C5orf24: variants seen among roughly 807,000 people sequenced by gnomAD.
The protein encoded by C5orf24 is chromosome 5 open reading frame 24.
In C5orf24, 4 loss-of-function variants were observed where a neutral mutation model predicts 9.8. The ratio of observed to expected loss-of-function variants is 0.41; its 90% CI spans 0.20 to 0.93. C5orf24 has a LOEUF of 0.93. Ranked by LOEUF, C5orf24 falls within the 40% of genes least tolerant of loss-of-function variation. The pLI is 0.33. For synonymous variants in C5orf24, 73 were observed against 81.3 expected (o/e 0.90, Z 0.55); for missense variants, 170 against 236.9 (o/e 0.72, Z 1.85).
At chr5:134,847,856 TG>T (rs1348414521) in intron 1 of C5orf24, among the ~76,000 whole-genome samples, 4 of 152,056 alleles carry the variant, frequency 2.6e-5, no homozygotes, top group African/African-American at 9.7e-5. Context: ...CCCGCCACCA[TG>T]CCTGACTAAT....
Position 134,846,013 on chromosome 5 carries a change from G to C in C5orf24, c.-203G>C. ...GCCTCTTCGTACTGCGTCCGGGGCA[G>C]GACCGTGCGCGGCGGCCGCGGCGGG... On this transcript the variant is annotated 5_prime_UTR_variant, in exon 1 of 2. Transcript: ENST00000394976. The C allele has an allele frequency of 6.6e-6, 1 of 152,328 alleles. No homozygotes were observed. The allele number at this position is 152,328 out of a possible 1,614,324, so 9.4% of individuals were successfully genotyped here.
At chr5:134,854,840 A>G in intron 1 of C5orf24, 58 bp from the exon 2 acceptor site, 8 of 1,562,726 alleles carry the variant, frequency 5.1e-6, no homozygotes, top group Non-Finnish European at 7.0e-6. Context: ...TGAATGCTGC[A>G]TACAGGTATG....
the C5orf24 span, among the ~76,000 whole-genome samples, chr5:134,838,388 C>T: frequency 2.0e-5 from 3 of 151,998 alleles, no homozygotes; most frequent in Non-Finnish European, 2.9e-5. Flanking sequence ...AGTGCACTCC[C>T]GGCCGGATGC....
the C5orf24 span, among the ~76,000 whole-genome samples, chr5:134,833,862 T>C: frequency 1.3e-5 from 2 of 152,268 alleles, no homozygotes; most frequent in South Asian, 4.1e-4. Context: ...AGGAATTTAC[T>C]TTTGATTATT....
chr5:134,838,070 G>A, the C5orf24 span, among the ~76,000 whole-genome samples: 8 of 152,160 alleles, frequency 5.3e-5, no homozygotes, highest in East Asian at 1.5e-3. Flanking sequence ...AATATAGGGA[G>A]ACCCCGTCTG....
At chr5:134,851,840 A>C (rs1479553309) in intron 1 of C5orf24, among the ~76,000 whole-genome samples, 1 of 152,248 alleles carries the variant, frequency 6.6e-6, no homozygotes, top group Non-Finnish European at 1.5e-5. Flanking sequence ...ATCCTAAAAA[A>C]TTGCTAACTT....
At chr5:134,849,439 G>C (rs1196677071) in intron 1 of C5orf24, among the ~76,000 whole-genome samples, 1 of 152,156 alleles carries the variant, frequency 6.6e-6, no homozygotes, top group African/African-American at 2.4e-5. Flanking sequence ...ACTTAATAAA[G>C]TTGAAGTCTG....
Position 134,855,150 on chromosome 5 carries a change from C to T in C5orf24, c.250C>T (p.Leu84Phe). The change falls in exon 2 of 2, where the codon CTC (leucine) becomes TTC (phenylalanine). Residue 84 changes from leucine (L) to phenylalanine (F), a missense_variant. By Grantham distance (22) the Leu-to-Phe change is conservative. Around this residue, in one of 3 missense-constraint regions of C5orf24, gnomAD observed 93 missense variants for 104.5 expected, o/e 0.89. Transcript: ENST00000394976. Reference sequence around the variant, plus strand: ...AGATGAACTAAAGAAAAAGAAGAATCTCAACCGATCTGGTAAGCGTGGCCG... The same window carrying T: ...AGATGAACTAAAGAAAAAGAAGAATTTCAACCGATCTGGTAAGCGTGGCCG... ...IKDELKKKKN[L>F]NRSGKRGRPS... The T allele has an allele frequency of 6.2e-7, 1 of 1,614,122 alleles. No homozygotes were observed. Among genetic ancestry groups the T allele is most frequent in the Non-Finnish European group, 8.5e-7 (1 of 1,180,024 alleles).
chr5:134,843,856 C>T (rs1185380097), upstream of C5orf24, among the ~76,000 whole-genome samples: 2 of 152,142 alleles, frequency 1.3e-5, no homozygotes, highest in Non-Finnish European at 2.9e-5. Flanking sequence ...TGCCTGGCCA[C>T]TGATGGATAT....
In C5orf24 at chr5:134,848,309, T is replaced by TCAAAA. The variant is rs144738345; in HGVS notation, c.-4+2118_-4+2122dup. 3.7e-4 allele frequency among the ~76,000 whole-genome samples: 55 copies of TCAAAA among 147,830 alleles called. 1 individual carries two copies. Among genetic ancestry groups the TCAAAA allele is most frequent in the Admixed American group, 2.0e-3 (30 of 14,790 alleles). On this transcript the variant is annotated intron_variant, in intron 1 of 1. Transcript: ENST00000394976. The stretch of plus-strand genomic sequence containing the variant: ...CTGGGCGACAGAGCAAGACTCCATA[T>TCAAAA]CAAAACAAAACAAAACAAAACAAAA...
rs397884485 is a variant in C5orf24 at position 134,853,360 on chromosome 5, TAA to T, written c.-3-1519_-3-1518del. Among the ~76,000 whole-genome samples the T allele has an allele frequency of 5.8e-3, 447 of 76,974 alleles. 2 individuals carry two copies. The highest frequency in any genetic ancestry group is 0.021 in the African/African-American group (414 of 20,050). 50.5% of individuals were successfully genotyped at this position (76,974 alleles called of 152,430 possible). A position where few individuals can be genotyped will look rare whatever the true frequency, so the allele number is the denominator to read the frequency against. Reference sequence around the variant, plus strand: ...TGGGCAACAAGTGCGAAACTCCACCTAAAAAAAAAAAAAAAAAAAACCTGTCA... The same window carrying T: ...TGGGCAACAAGTGCGAAACTCCACCTAAAAAAAAAAAAAAAAAACCTGTCA... On this transcript the variant is annotated intron_variant, in intron 1 of 1. Coordinates refer to ENST00000394976, the MANE Select transcript of C5orf24 (RefSeq NM_001135586.1).
the C5orf24 span, among the ~76,000 whole-genome samples, chr5:134,834,262 G>C: frequency 6.6e-6 from 1 of 152,182 alleles, no homozygotes; most frequent in African/African-American, 2.4e-5. Context: ...GAACTTGGTA[G>C]TGATTGGATT....
At chr5:134,846,951 A>G (rs1756013627) in intron 1 of C5orf24, 1 of 152,204 alleles carries the variant, frequency 6.6e-6, no homozygotes, top group South Asian at 2.1e-4. Context: ...ATCTCTGAGA[A>G]TTACGTGATC....
At chr5:134,839,018 G>T in the C5orf24 span, among the ~76,000 whole-genome samples, 1 of 151,980 alleles carries the variant, frequency 6.6e-6, no homozygotes, top group Non-Finnish European at 1.5e-5. Flanking sequence ...AGACCAGCTT[G>T]GGCAACATGA....
In C5orf24 at chr5:134,857,521, G is replaced by C; in HGVS notation, c.*2054G>C. 2.4e-6 allele frequency: 3 copies of C among 1,233,162 alleles called. No homozygotes were observed. Among genetic ancestry groups the C allele is most frequent in the Non-Finnish European group, 3.2e-6 (3 of 941,770 alleles). 76.4% of individuals were successfully genotyped at this position (1,233,162 alleles called of 1,614,324 possible). A position where few individuals can be genotyped will look rare whatever the true frequency, so the allele number is the denominator to read the frequency against. On this transcript the variant is annotated 3_prime_UTR_variant, in exon 2 of 2. Transcript: ENST00000394976. ...ATATTAGCTTTGCACAAACCATAGA[G>C]AACGATGTTGGATGGTTACATAATC...
chr5:134,854,677 T>A lies in C5orf24; in HGVS notation c.-3-221T>A, dbSNP rs1166488656. Among the ~76,000 whole-genome samples the A allele has an allele frequency of 2.0e-5, 3 of 152,164 alleles. No homozygotes were observed. In the East Asian group the frequency reaches 5.8e-4, roughly 29 times the overall value. On this transcript the variant is annotated intron_variant, in intron 1 of 1. Coordinates refer to ENST00000394976, the MANE Select transcript of C5orf24 (RefSeq NM_001135586.1). ...CTATGAAATCAGTATTATAATAGAG[T>A]TATCTTGTATGATGTTTGTCCCATG...
chr5:134,853,217 C>T (rs1028498685), intron 1 of C5orf24, among the ~76,000 whole-genome samples: 1 of 151,570 alleles, frequency 6.6e-6, no homozygotes, highest in East Asian at 1.9e-4. Flanking sequence ...AAAAATTAGC[C>T]AGGCGTGGTG....
chr5:134,851,843 G>C (rs1756169307), intron 1 of C5orf24, among the ~76,000 whole-genome samples: 1 of 152,180 alleles, frequency 6.6e-6, no homozygotes, highest in African/African-American at 2.4e-5. Context: ...CTAAAAAATT[G>C]CTAACTTTCA....
At chr5:134,835,966 C>T in the C5orf24 span, among the ~76,000 whole-genome samples, 1 of 151,996 alleles carries the variant, frequency 6.6e-6, no homozygotes, top group South Asian at 2.1e-4. Context: ...GGATTACAGG[C>T]ATGAGCCACC....
Sources: allele counts gnomAD v4.1 joint callset (sites outside exome capture counted in the v4.1 genomes callset), GRCh38; gene constraint gnomAD v4.1.1; regional missense constraint gnomAD v4.1.1; transcripts MANE v1.5; gene names NCBI Gene and HGNC (gene_info 2026-07-23, HGNC 2026-07-21).